The following ACIN1 variants were observed in gnomAD, a reference collection of about 807,000 sequenced individuals.
The protein encoded by ACIN1 is apoptotic chromatin condensation inducer in the nucleus.
ACIN1 carries 16 observed loss-of-function variants against 146.6 expected under a neutral mutation model. The observed-to-expected ratio is 0.11, with a 90% CI of 0.07 to 0.17. The LOEUF is 0.17. ACIN1 is among the 10% of genes least tolerant of loss of function. The probability of loss-of-function intolerance (pLI) is 1.00; values close to 1 mark genes in which losing one functional copy is unlikely to be tolerated. For synonymous variants in ACIN1, 569 were observed against 582.7 expected (o/e 0.98, Z 0.34); for missense variants, 1,357 against 1,609.3 (o/e 0.84, Z 2.68).
chr14:23,071,496 G>A (rs1279357752), intron 8 of ACIN1: 6 of 1,551,660 alleles, frequency 3.9e-6, no homozygotes, highest in South Asian at 2.4e-5. Context: ...GCTGGTAGTG[G>A]CTGGCTCTAT....
chr14:23,071,267 C>T, intron 8 of ACIN1: 1 of 1,506,282 alleles, frequency 6.6e-7, no homozygotes, highest in African/African-American at 1.4e-5. Context: ...TTCCTTGTTC[C>T]AAGATCCCAC....
Position 23,094,759 on chromosome 14 carries a change from C to G in ACIN1, c.138+216G>C. On this transcript the variant is annotated intron_variant, in intron 1 of 18. Transcript: ENST00000605057. ...CTCCTGGAGAGTAGTGCACACCCTC[C>G]CATTTGGGCTCGCGCTGCTGCCGTT... 2 of 753,688 alleles carry G rather than the reference C, an allele frequency of 2.7e-6. 1 individual carries two copies. The highest frequency in any genetic ancestry group is 3.7e-5 in the South Asian group (2 of 53,336). The allele number at this position is 753,688 out of a possible 1,614,324, so 46.7% of individuals were successfully genotyped here.
At chr14:23,081,945 C>CA in intron 4 of ACIN1, 109 bp from the exon 5 acceptor site, 2 of 770,574 alleles carry the variant, frequency 2.6e-6, no homozygotes, top group Non-Finnish European at 4.1e-6. Context: ...ATGAGCCTAT[C>CA]AAGACATATC....
intron 2 of ACIN1, among the ~76,000 whole-genome samples, chr14:23,093,111 C>T (rs905010815): frequency 2.0e-5 from 3 of 152,202 alleles, no homozygotes; most frequent in Non-Finnish European, 4.4e-5. Context: ...AACTATTTCC[C>T]TACACTGCCA....
rs2140165747 is a variant in ACIN1 at position 23,080,947 on chromosome 14, G to C, written c.526-138C>G. 17 of 1,456,928 alleles carry C rather than the reference G, an allele frequency of 1.2e-5. No individual in the cohort carries two copies. The South Asian group carries it at 2.6e-4, about 22-fold the overall frequency. 90.3% of individuals were successfully genotyped at this position (1,456,928 alleles called of 1,614,324 possible). A position where few individuals can be genotyped will look rare whatever the true frequency, so the allele number is the denominator to read the frequency against. On this transcript the variant is annotated intron_variant, in intron 5 of 18. Coordinates refer to ENST00000605057, the MANE Select transcript of ACIN1 (RefSeq NM_001386863.1). ...TCAGCAACAGAAACAGGAGTGACAG[G>C]AGACAATCATGACTAACGTAGCCCT...
Position 23,091,871 on chromosome 14 carries a change from G to A in ACIN1, c.205-1238C>T, listed in dbSNP as rs148959060. 3.7e-3 allele frequency among the ~76,000 whole-genome samples: 568 copies of A among 152,178 alleles called. 22 individuals are homozygous for A. In the East Asian group the frequency reaches 0.065, roughly 17 times the overall value. ...ACTCCTGACCTCAGGTGATCTACCCGCCTTGGCCTCCCAAAGTGCTAGCAT... is the reference window on the plus strand; with the variant it reads ...ACTCCTGACCTCAGGTGATCTACCCACCTTGGCCTCCCAAAGTGCTAGCAT... On this transcript the variant is annotated intron_variant, in intron 2 of 18. Coordinates refer to ENST00000605057, the MANE Select transcript of ACIN1 (RefSeq NM_001386863.1).
intron 18 of ACIN1, among the ~76,000 whole-genome samples, chr14:23,060,508 CTT>C (rs57052013): frequency 2.8e-5 from 4 of 143,352 alleles, no homozygotes; most frequent in Admixed American, 6.9e-5. Flanking sequence ...CAATCAAGTT[CTT>C]TTTTTTTTTT....
intron 3 of ACIN1, 42 bp downstream of exon 3, chr14:23,090,480 A>C: frequency 6.4e-7 from 1 of 1,558,506 alleles, no homozygotes; most frequent in South Asian, 1.1e-5. Context: ...GACAGGGATA[A>C]GAATGACGAA....
intron 8 of ACIN1, chr14:23,071,013 A>G: frequency 8.0e-7 from 1 of 1,246,184 alleles, no homozygotes; most frequent in Non-Finnish European, 1.1e-6. Flanking sequence ...AGGCAGAATG[A>G]CTGAAAACAA....
intron 10 of ACIN1, chr14:23,064,702 G>GC: frequency 1.8e-6 from 1 of 569,814 alleles, no homozygotes; most frequent in Non-Finnish European, 3.0e-6. Flanking sequence ...TTTGAGACTA[G>GC]CCTGACCAAC....
chr14:23,063,726 C>A, intron 12 of ACIN1, 149 bp from the exon 13 acceptor site: 1 of 977,694 alleles, frequency 1.0e-6, no homozygotes, highest in Middle Eastern at 2.9e-4. Flanking sequence ...TCTACCAGAT[C>A]CTGGGATTGT....
chr14:23,068,366 G>C lies in ACIN1; in HGVS notation c.2265+1110C>G. On this transcript the variant is annotated intron_variant, in intron 9 of 18. Transcript: ENST00000605057. The surrounding 1 kb of genome is among the most constrained non-coding windows in gnomAD (Gnocchi z 4.3). ...CCAGCACTGGCACAAGCTCTTCTTG[G>C]GGTGTCCCAAGTAGGGAGATGATGC... 1.0e-6 allele frequency: 1 copy of C among 985,948 alleles called. No homozygotes were observed. Among genetic ancestry groups the C allele is most frequent in the Non-Finnish European group, 1.2e-6 (1 of 829,990 alleles). The allele number at this position is 985,948 out of a possible 1,614,324, so 61.1% of individuals were successfully genotyped here.
intron 2 of ACIN1, among the ~76,000 whole-genome samples, chr14:23,092,575 T>C (rs2048256895): frequency 6.6e-6 from 1 of 152,234 alleles, no homozygotes; most frequent in Non-Finnish European, 1.5e-5. Context: ...TTCCACAGTA[T>C]CCTGAGACTT....
rs1364917166 is a variant in ACIN1 at position 23,068,073 on chromosome 14, C to CAAAGGAAAGTCCA, written c.2265+1390_2265+1402dup. ...GCCCTTCACCATGGACAACAGGGAC[C>CAAAGGAAAGTCCA]AAAGGAAAGTCCATCTGATGAGCAA... On this transcript the variant is annotated intron_variant, in intron 9 of 18. Coordinates refer to ENST00000605057, the MANE Select transcript of ACIN1 (RefSeq NM_001386863.1). This position sits in a 1 kb window ranked among gnomAD's most constrained non-coding sequence, Gnocchi z 4.3. 1 of 985,828 alleles carries CAAAGGAAAGTCCA rather than the reference C, an allele frequency of 1.0e-6. No individual in the cohort carries two copies. The highest frequency in any genetic ancestry group is 1.2e-6 in the Non-Finnish European group (1 of 829,954). 61.1% of individuals were successfully genotyped at this position (985,828 alleles called of 1,614,324 possible).
chr14:23,071,032 G>A (rs1027090553), intron 8 of ACIN1: 97 of 1,402,800 alleles, frequency 6.9e-5, no homozygotes, highest in African/African-American at 1.6e-4. Flanking sequence ...AAACCAAAAC[G>A]AAAGACGGAA....
chr14:23,062,399 C>T lies in ACIN1; in HGVS notation c.2991+17G>A. The T allele has an allele frequency of 6.2e-7, 1 of 1,612,910 alleles. No homozygotes were observed. Among genetic ancestry groups the T allele is most frequent in the Non-Finnish European group, 8.5e-7 (1 of 1,178,886 alleles). On this transcript the variant is annotated intron_variant, in intron 15 of 18. Coordinates refer to ENST00000605057, the MANE Select transcript of ACIN1 (RefSeq NM_001386863.1). ...AAATATATGCCATGACCTATAGAAT[C>T]AGCTTCTTCCCCTCACCGTTACAAA...
intron 4 of ACIN1, 81 bp from the exon 5 acceptor site, chr14:23,081,917 T>C (rs1594775550): frequency 9.1e-7 from 1 of 1,095,122 alleles, no homozygotes; most frequent in Non-Finnish European, 1.3e-6. Flanking sequence ...CTTTCTAATA[T>C]CCAACCAATT....
At chr14:23,059,876 TG>T (rs1176342563) in intron 18 of ACIN1, among the ~76,000 whole-genome samples, 1 of 151,740 alleles carries the variant, frequency 6.6e-6, no homozygotes, top group East Asian at 1.9e-4. Flanking sequence ...AGGATGGTCT[TG>T]ATCTCCTGAC....
At chr14:23,065,524 T>C (rs117613475) in intron 10 of ACIN1, among the ~76,000 whole-genome samples, 7 of 152,022 alleles carry the variant, frequency 4.6e-5, no homozygotes, top group African/African-American at 1.2e-4. Flanking sequence ...GAGGCGGAGG[T>C]TGCAGTGAGC....
Sources: gnomAD v4.1 joint callset for allele counts (sites outside exome capture counted in the v4.1 genomes callset) on GRCh38, gnomAD v4.1.1 for gene constraint, Gnocchi (gnomAD v3.1) non-coding constraint, MANE v1.5 for transcripts, NCBI Gene and HGNC (gene_info 2026-07-23, HGNC 2026-07-21) for gene names.